Variants in ME3 observed in about 807,000 individuals in gnomAD.
The protein encoded by ME3 is malic enzyme 3, also known as NADP-dependent malic enzyme, mitochondrial.
Under a neutral mutation model 68.9 loss-of-function variants are expected in ME3, and 48 were observed. That is an observed-to-expected ratio of 0.70 (90% CI 0.55 to 0.89). The LOEUF is 0.89. Among genes scored for constraint, ME3 ranks in the 40% least tolerant of loss-of-function variants. The probability of loss-of-function intolerance (pLI) is 0.00; values close to 1 mark genes in which losing one functional copy is unlikely to be tolerated. For synonymous variants in ME3, 320 were observed against 318.8 expected (o/e 1.00, Z -0.04); for missense variants, 675 against 797.4 (o/e 0.85, Z 1.85).
At chr11:86,504,416 G>A (rs886925987) in intron 5 of ME3, among the ~76,000 whole-genome samples, 1 of 113,304 alleles carries the variant, frequency 8.8e-6, no homozygotes, top group African/African-American at 3.5e-5. Flanking sequence ...TTGAGACAGA[G>A]TCTCACTACT....
In ME3 at chr11:86,589,401, G is replaced by GATGA. The variant is rs200147988; in HGVS notation, c.184-29582_184-29579dup. On this transcript the variant is annotated intron_variant, in intron 2 of 14. Transcript: ENST00000543262. ...AGAATATATGAATGAATGAATGAATGATGAATGAATGAATGAATATCAGTC... is the reference window on the plus strand; with the variant it reads ...AGAATATATGAATGAATGAATGAATGATGAATGAATGAATGAATGAATATCAGTC... 4.6e-5 allele frequency among the ~76,000 whole-genome samples: 7 copies of GATGA among 152,096 alleles called. No homozygotes were observed. The East Asian group carries it at 5.8e-4, about 13-fold the overall frequency.
At chr11:86,532,356 G>A (rs1394539642) in intron 4 of ME3, among the ~76,000 whole-genome samples, 6 of 152,116 alleles carry the variant, frequency 3.9e-5, no homozygotes, top group African/African-American at 1.4e-4. Context: ...ATTACACTTT[G>A]AACAAAATGG....
At chr11:86,667,636 A>G (rs1453652814) in intron 2 of ME3, 1 of 152,242 alleles carries the variant, frequency 6.6e-6, no homozygotes, top group Non-Finnish European at 1.5e-5. Flanking sequence ...AAGGCAAACC[A>G]ACCAGCCATT....
At chr11:86,491,052 T>C (rs990391989) in intron 6 of ME3, among the ~76,000 whole-genome samples, 22 of 152,210 alleles carry the variant, frequency 1.4e-4, no homozygotes, top group African/African-American at 5.1e-4. Context: ...ATGTTCTATG[T>C]CTCAGATACT....
intron 11 of ME3, 55 bp from the exon 12 acceptor site, chr11:86,447,262 C>T (rs1949361704): frequency 6.3e-7 from 1 of 1,585,194 alleles, no homozygotes; most frequent in Middle Eastern, 1.7e-4. Context: ...CAACCCATTC[C>T]TCTTCTGCTG....
At chr11:86,592,997 C>G (rs1226822323) in intron 2 of ME3, among the ~76,000 whole-genome samples, 1 of 152,150 alleles carries the variant, frequency 6.6e-6, no homozygotes, top group Non-Finnish European at 1.5e-5. Flanking sequence ...ATCTATTAAC[C>G]TGGTGAAATG....
chr11:86,591,914 A>T (rs1959085433), intron 2 of ME3, among the ~76,000 whole-genome samples: 1 of 152,166 alleles, frequency 6.6e-6, no homozygotes, highest in Non-Finnish European at 1.5e-5. Flanking sequence ...GTGGGGACAC[A>T]GCCAAACCAT....
intron 2 of ME3, among the ~76,000 whole-genome samples, chr11:86,634,879 T>C (rs1001929796): frequency 1.3e-5 from 2 of 152,146 alleles, no homozygotes; most frequent in African/African-American, 4.8e-5. Context: ...AACAGGATTA[T>C]CCATTTTAAT....
chr11:86,508,132 C>A (rs1343785868), intron 5 of ME3, among the ~76,000 whole-genome samples: 1 of 152,072 alleles, frequency 6.6e-6, no homozygotes, highest in Non-Finnish European at 1.5e-5. Context: ...CTCATCCCCA[C>A]CCCCACACTG....
intron 2 of ME3, among the ~76,000 whole-genome samples, chr11:86,667,120 G>A (rs1185091490): frequency 6.6e-6 from 1 of 152,170 alleles, no homozygotes; most frequent in Non-Finnish European, 1.5e-5. Context: ...ACCTGGGAAG[G>A]CCATCACCCG....
intron 2 of ME3, among the ~76,000 whole-genome samples, chr11:86,607,317 A>C (rs117133531): frequency 6.6e-6 from 1 of 151,978 alleles, no homozygotes; most frequent in East Asian, 1.9e-4. Context: ...AACTCCTCTC[A>C]TCCTTCAATG....
intron 2 of ME3, among the ~76,000 whole-genome samples, chr11:86,669,592 G>A (rs1029253890): frequency 1.3e-5 from 2 of 152,128 alleles, no homozygotes; most frequent in African/African-American, 2.4e-5. Flanking sequence ...TCATTATCAC[G>A]AGAACAGCAT....
downstream of ME3, among the ~76,000 whole-genome samples, chr11:86,438,769 C>A (rs1030776703): frequency 4.0e-5 from 6 of 151,766 alleles, no homozygotes; most frequent in Admixed American, 6.6e-5. Flanking sequence ...TCTTTCCTTT[C>A]TCTCTTTCTT....
At chr11:86,647,422 T>A (rs1418259198) in intron 2 of ME3, among the ~76,000 whole-genome samples, 2 of 151,584 alleles carry the variant, frequency 1.3e-5, no homozygotes, top group Non-Finnish European at 2.9e-5. Context: ...GAGGCGGAGC[T>A]TGCAGTGAGC....
intron 2 of ME3, among the ~76,000 whole-genome samples, chr11:86,647,494 A>G (rs1340696715): frequency 2.0e-5 from 3 of 151,308 alleles, no homozygotes; most frequent in Non-Finnish European, 4.4e-5. Flanking sequence ...CAAAAAAGAA[A>G]AAAAAAAAAA....
chr11:86,521,403 ACAAAC>A (rs200709848), intron 4 of ME3, among the ~76,000 whole-genome samples: 1,570 of 112,762 alleles, frequency 0.014, 26 homozygotes, highest in African/African-American at 0.043. Flanking sequence ...TCAAAAACAA[ACAAAC>A]AAAACAAAAC....
chr11:86,539,289 A>C (rs1439571192), intron 4 of ME3, among the ~76,000 whole-genome samples: 1 of 152,088 alleles, frequency 6.6e-6, no homozygotes, highest in East Asian at 1.9e-4. Context: ...CCATCTTCCC[A>C]ATGTGAATCA....
At chr11:86,497,705 G>A (rs147270453) in intron 6 of ME3, among the ~76,000 whole-genome samples, 198 of 152,276 alleles carry the variant, frequency 1.3e-3, no homozygotes, top group African/African-American at 4.2e-3. Flanking sequence ...GGTCATTGTG[G>A]GTACAGAGGG....
chr11:86,522,090 A>C (rs543128302), intron 4 of ME3, among the ~76,000 whole-genome samples: 1 of 152,302 alleles, frequency 6.6e-6, no homozygotes, highest in South Asian at 2.1e-4. Flanking sequence ...TCTCTACTAA[A>C]AATACAAAAA....
Sources: allele counts gnomAD v4.1 joint callset (sites outside exome capture counted in the v4.1 genomes callset), GRCh38; gene constraint gnomAD v4.1.1; transcripts MANE v1.5; gene names NCBI Gene and HGNC (gene_info 2026-07-23, HGNC 2026-07-21).